AGBL1: variants seen among roughly 807,000 people sequenced by gnomAD.
The protein encoded by AGBL1 is AGBL carboxypeptidase 1, also known as cytosolic carboxypeptidase 4.
A neutral mutation model predicts 118.9 loss-of-function variants in AGBL1; 130 were observed. The observed-to-expected ratio is 1.09, with a 90% CI of 0.95 to 1.26. The LOEUF (loss-of-function observed/expected upper bound fraction) is 1.26. Among genes scored for constraint, AGBL1 ranks in the 50% most tolerant of loss-of-function variants. The pLI is 0.00. For missense variants in AGBL1, 1,584 were observed against 1,298.1 expected (o/e 1.22, Z -3.38); for synonymous variants, 555 against 478.9 (o/e 1.16, Z -2.08).
chr15:86,233,475 G>A (rs927981815), intron 6 of AGBL1, among the ~76,000 whole-genome samples: 2 of 151,764 alleles, frequency 1.3e-5, no homozygotes, highest in Admixed American at 6.6e-5. Flanking sequence ...ATTAATGACA[G>A]CATGACTTGT....
At chr15:86,433,282 T>C (rs2081960885) in intron 18 of AGBL1, among the ~76,000 whole-genome samples, 1 of 103,944 alleles carries the variant, frequency 9.6e-6, no homozygotes, top group Admixed American at 1.1e-4. Context: ...TTTTTTTTTT[T>C]TTTTTTTTTT....
At chr15:86,122,671 A>G (rs548876584) in intron 1 of AGBL1, among the ~76,000 whole-genome samples, 1 of 152,310 alleles carries the variant, frequency 6.6e-6, no homozygotes, top group East Asian at 1.9e-4. Flanking sequence ...ACTACTCCTC[A>G]ATACTGTCAA....
chr15:86,426,076 A>C (rs181537961), intron 18 of AGBL1, among the ~76,000 whole-genome samples: 1 of 152,314 alleles, frequency 6.6e-6, no homozygotes, highest in African/African-American at 2.4e-5. Flanking sequence ...TCTCTAGTAT[A>C]TAGTAGAACA....
intron 18 of AGBL1, among the ~76,000 whole-genome samples, chr15:86,443,350 ATACT>A (rs1266222167): frequency 6.6e-6 from 1 of 152,198 alleles, no homozygotes; most frequent in Non-Finnish European, 1.5e-5. Flanking sequence ...ATAATTTCAC[ATACT>A]TACGGGGTAT....
At chr15:87,024,015 C>A (rs1346886749) in intron 24 of AGBL1, among the ~76,000 whole-genome samples, 1 of 151,888 alleles carries the variant, frequency 6.6e-6, no homozygotes, top group African/African-American at 2.4e-5. Context: ...GCACTAAATA[C>A]CTACATCAAA....
chr15:86,728,496 C>G (rs2086851695), intron 22 of AGBL1, among the ~76,000 whole-genome samples: 1 of 152,172 alleles, frequency 6.6e-6, no homozygotes, highest in African/African-American at 2.4e-5. Context: ...TCAGCAGAGC[C>G]TACCTTTTCG....
At chr15:86,737,061 TAGA>T (rs1266566641) in intron 22 of AGBL1, among the ~76,000 whole-genome samples, 7 of 152,194 alleles carry the variant, frequency 4.6e-5, no homozygotes, top group Admixed American at 4.6e-4. Flanking sequence ...ATGCTATGTG[TAGA>T]AGACACTGTG....
chr15:86,727,708 T>C (rs935330195), intron 22 of AGBL1, among the ~76,000 whole-genome samples: 2 of 152,210 alleles, frequency 1.3e-5, no homozygotes, highest in South Asian at 2.1e-4. Flanking sequence ...AGAAGCTTAA[T>C]TCTGATTTCT....
chr15:86,160,613 C>G (rs890847508), intron 5 of AGBL1, among the ~76,000 whole-genome samples: 1 of 152,194 alleles, frequency 6.6e-6, no homozygotes, highest in African/African-American at 2.4e-5. Flanking sequence ...TCAACATGTT[C>G]TTTGGTTACC....
At chr15:86,170,946 A>C (rs531028346) in intron 5 of AGBL1, among the ~76,000 whole-genome samples, 2 of 152,300 alleles carry the variant, frequency 1.3e-5, no homozygotes, top group South Asian at 4.1e-4. Context: ...ATGTACACAG[A>C]AACAAAAATA....
At chr15:86,676,084 C>T (rs994184032) in intron 22 of AGBL1, among the ~76,000 whole-genome samples, 1 of 152,142 alleles carries the variant, frequency 6.6e-6, no homozygotes, top group Admixed American at 6.5e-5. Flanking sequence ...GCATCCTGAC[C>T]AAGGGGATTG....
chr15:86,440,444 A>G (rs2082048792), intron 18 of AGBL1, among the ~76,000 whole-genome samples: 2 of 151,360 alleles, frequency 1.3e-5, no homozygotes, highest in Admixed American at 1.3e-4. Context: ...CAAGGGCTAA[A>G]TTGACATGTG....
chr15:86,617,020 C>A (rs2084737681), intron 21 of AGBL1, among the ~76,000 whole-genome samples: 1 of 152,178 alleles, frequency 6.6e-6, no homozygotes, highest in African/African-American at 2.4e-5. Context: ...GATCCCATTT[C>A]CAGTTTAAAT....
intron 22 of AGBL1, among the ~76,000 whole-genome samples, chr15:86,676,543 T>C (rs4887496): frequency 0.38 from 56,225 of 149,884 alleles, 10,894 homozygotes; most frequent in East Asian, 0.61. Flanking sequence ...AATCCTGAGA[T>C]ATAATAATCA....
At chr15:86,963,054 A>G (rs1283369520) in intron 23 of AGBL1, among the ~76,000 whole-genome samples, 1 of 152,146 alleles carries the variant, frequency 6.6e-6, no homozygotes, top group Non-Finnish European at 1.5e-5. Context: ...CAATGATATT[A>G]AAATATCATG....
At chr15:87,001,205 T>C (rs1370728760) in intron 24 of AGBL1, among the ~76,000 whole-genome samples, 2 of 150,052 alleles carry the variant, frequency 1.3e-5, no homozygotes, top group African/African-American at 2.5e-5. Context: ...CTTTTCCTAA[T>C]TGAATACCCT....
At chr15:86,524,179 T>C (rs1014904453) in intron 19 of AGBL1, among the ~76,000 whole-genome samples, 1 of 152,220 alleles carries the variant, frequency 6.6e-6, no homozygotes, top group Non-Finnish European at 1.5e-5. Context: ...CAGAGGTGTA[T>C]GGCAGAGTGG....
rs2077162190 is a variant in AGBL1 at position 86,154,526 on chromosome 15, A to C, written c.359A>C (p.His120Pro). ...KNLSHGQNLL[H>P]CLWALRVFAS... ...CTATCCCATGGCCAGAATCTCCTCC[A>C]CTGTCTCTGGGCTCTGCGTGTGTTT... is the stretch of plus-strand genomic sequence containing the variant. The change falls in exon 4 of 23, where the codon CAC becomes CCC. Residue 120 changes from histidine (H) to proline (P), a missense_variant. Physicochemically the swap from His to Pro is moderately conservative, Grantham distance 77. Coordinates refer to ENST00000614907, the MANE Select transcript of AGBL1 (RefSeq NM_001386094.1). The C allele has an allele frequency of 6.2e-7, 1 of 1,612,610 alleles. No individual in the cohort carries two copies. The highest frequency in any genetic ancestry group is 8.5e-7 in the Non-Finnish European group (1 of 1,179,362).
chr15:86,410,872 T>A (rs376683216), intron 18 of AGBL1, among the ~76,000 whole-genome samples: 2 of 77,962 alleles, frequency 2.6e-5, no homozygotes, highest in African/African-American at 9.2e-5. Context: ...AAATATATAA[T>A]ATATATTATA....
Sources: allele counts gnomAD v4.1 joint callset (sites outside exome capture counted in the v4.1 genomes callset), GRCh38; gene constraint gnomAD v4.1.1; transcripts MANE v1.5; gene names NCBI Gene and HGNC (gene_info 2026-07-23, HGNC 2026-07-21).